ENG: variants seen among roughly 807,000 people sequenced by gnomAD.
ENG encodes CD105 antigen.
ENG carries 17 observed loss-of-function variants against 71.0 expected under a neutral mutation model. The observed-to-expected ratio is 0.24, with a 90% CI of 0.16 to 0.36. The LOEUF (loss-of-function observed/expected upper bound fraction) is 0.36. Among genes scored for constraint, ENG ranks in the 10% least tolerant of loss-of-function variants. The pLI is 1.00. For synonymous variants in ENG, 360 were observed against 366.9 expected, an observed-to-expected ratio of 0.98 and a Z score of 0.21; for missense variants, 749 against 868.3, an observed-to-expected ratio of 0.86 and a Z score of 1.73.
chr9:127,817,082 C>T, intron 13 of ENG, 67 bp downstream of exon 13: 1 of 1,585,160 alleles, frequency 6.3e-7, no homozygotes, highest in South Asian at 1.1e-5. Flanking sequence ...TTTCTCAGGG[C>T]TGCCCGCTGT....
intron 12 of ENG, 114 bp downstream of exon 12, chr9:127,818,006 G>C (rs1830371057): frequency 1.3e-6 from 2 of 1,556,950 alleles, no homozygotes; most frequent in East Asian, 4.5e-5. Flanking sequence ...CCTGATTAAG[G>C]CTCCGCCCCT....
rs1222524943 is a variant in ENG at position 127,825,246 on chromosome 9, G to A, written c.801C>T (p.His267=). The change falls in exon 6 of 15, where the codon CAC becomes CAT. Residue 267 remains histidine, a synonymous_variant. Transcript: ENST00000373203. ...CACAACTCACCCAGATCTGCATGTTGTGGTTGGCGTCGATGAGCCAGGACA... is the reference window on the plus strand; with the variant it reads ...CACAACTCACCCAGATCTGCATGTTATGGTTGGCGTCGATGAGCCAGGACA... ...PYVSWLIDAN[H]NMQIWTTGEY... is the part of the protein sequence containing the mutation. 1.2e-6 allele frequency: 2 copies of A among 1,613,008 alleles called. No individual in the cohort carries two copies. Among genetic ancestry groups the A allele is most frequent in the Non-Finnish European group, 1.7e-6 (2 of 1,179,826 alleles).
intron 2 of ENG, 69 bp from the exon 3 acceptor site, chr9:127,829,896 C>T (rs1830722355): frequency 5.6e-6 from 9 of 1,605,806 alleles, no homozygotes; most frequent in Non-Finnish European, 7.6e-6. Flanking sequence ...CCCAGACAGG[C>T]AGTGATGATT....
intron 2 of ENG, among the ~76,000 whole-genome samples, chr9:127,832,356 T>C (rs1023921626): frequency 1.3e-5 from 2 of 152,166 alleles, no homozygotes; most frequent in African/African-American, 4.8e-5. Flanking sequence ...ATTACAGGCA[T>C]GAGCCACTGC....
chr9:127,831,149 C>T (rs1012117562), intron 2 of ENG, among the ~76,000 whole-genome samples: 8 of 150,606 alleles, frequency 5.3e-5, no homozygotes, highest in African/African-American at 7.4e-5. Context: ...AACCTTAAGA[C>T]GTAAATACCA....
chr9:127,850,180 A>G (rs41421145), intron 1 of ENG, among the ~76,000 whole-genome samples: 6,422 of 152,278 alleles, frequency 0.042, 233 homozygotes, highest in African/African-American at 0.097. Flanking sequence ...TCAGGTCACA[A>G]AAGTTGTGGG....
chr9:127,819,582 C>A, intron 10 of ENG, 40 bp downstream of exon 10: 1 of 1,611,982 alleles, frequency 6.2e-7, no homozygotes, highest in Non-Finnish European at 8.5e-7. Flanking sequence ...CAGCAGCAGC[C>A]CCTGGGCCAG....
rs1280679232 is a variant in ENG at position 127,818,309 on chromosome 9, A to G, written c.1497T>C (p.Pro499=). ...GGATGAGTTCCACGGTGCCTCCCTCAGGCCCCAAGTCCAGGTGGCAGCTGT... is the reference window on the plus strand; with the variant it reads ...GGATGAGTTCCACGGTGCCTCCCTCGGGCCCCAAGTCCAGGTGGCAGCTGT... ...QLDSCHLDLG[P]EGGTVELIQG... is the part of the protein sequence containing the mutation. The change falls in exon 12 of 15, where the codon CCT becomes CCC. Residue 499 remains proline, a synonymous_variant. Transcript: ENST00000373203. The G allele has an allele frequency of 1.2e-6, 2 of 1,614,052 alleles. No individual in the cohort carries two copies. Among genetic ancestry groups the G allele is most frequent in the Non-Finnish European group, 1.7e-6 (2 of 1,180,000 alleles).
chr9:127,822,663 C>T (rs1207274328), intron 8 of ENG: 1 of 152,094 alleles, frequency 6.6e-6, no homozygotes, highest in African/African-American at 2.4e-5. Flanking sequence ...TGTCAAAGCT[C>T]TAAAAATACA....
At chr9:127,831,785 G>A (rs142511536) in intron 2 of ENG, among the ~76,000 whole-genome samples, 4,218 of 146,588 alleles carry the variant, frequency 0.029, 78 homozygotes, top group Middle Eastern at 0.092. Context: ...TCTGCCTCCT[G>A]GGTTCAAGCA....
intron 2 of ENG, among the ~76,000 whole-genome samples, chr9:127,834,566 G>A (rs926971240): frequency 1.3e-5 from 2 of 152,022 alleles, no homozygotes; most frequent in African/African-American, 4.8e-5. Context: ...CACTGCGCCT[G>A]GCTAGTTTTT....
At chr9:127,849,257 C>G (rs576677286) in intron 1 of ENG, among the ~76,000 whole-genome samples, 2 of 152,364 alleles carry the variant, frequency 1.3e-5, no homozygotes, top group East Asian at 3.9e-4. Flanking sequence ...CTTCCCCTCC[C>G]TTGTTCAGAT....
chr9:127,829,938 T>A, intron 2 of ENG, 111 bp from the exon 3 acceptor site: 1 of 1,479,286 alleles, frequency 6.8e-7, no homozygotes, highest in Non-Finnish European at 9.3e-7. Context: ...CCCTGCCTGC[T>A]CTGTCCACCC....
intron 5 of ENG, 87 bp downstream of exon 5, chr9:127,825,608 A>G (rs1378671285): frequency 2.7e-6 from 3 of 1,129,074 alleles, no homozygotes; most frequent in African/African-American, 4.7e-5. Flanking sequence ...GTGGGGCTTT[A>G]TAAGGGACCG....
Position 127,824,426 on chromosome 9 carries a change from G to A in ENG, c.1012C>T (p.Pro338Ser). ...GGAGGAGTGGTCTGGATCGGTGCGG[G>A]TGAGGTCTGCAGCCTACCACCTGTG... ...SSCGGRLQTS[P>S]APIQTTPPKD... is the part of the protein sequence containing the mutation. Residue 338 changes from proline to serine, a missense_variant, in exon 8 of 15, where the codon CCC becomes TCC. Coordinates refer to ENST00000373203, the MANE Select transcript of ENG (RefSeq NM_001114753.3). The A allele has an allele frequency of 6.2e-7, 1 of 1,614,036 alleles. No homozygotes were observed.
At chr9:127,821,724 A>AAT (rs397793854) in intron 8 of ENG, among the ~76,000 whole-genome samples, 3 of 151,410 alleles carry the variant, frequency 2.0e-5, no homozygotes, top group Non-Finnish European at 4.4e-5. Flanking sequence ...AAAAAAAAAA[A>AAT]TACAAAAAAT....
At position 127,815,950 on chromosome 9, in the gene ENG, C is replaced by T. The variant is rs759950184; in HGVS notation, c.1845G>A (p.Ser615=). The change falls in exon 14 of 15, where the codon TCG becomes TCA. Residue 615 remains serine, a synonymous_variant. Coordinates refer to ENST00000373203, the MANE Select transcript of ENG (RefSeq NM_001114753.3). ...GGGGCCTGGGGTACTCACGCGTGTG[C>T]GAGTAGATGTACCAGAGTGCAGCAG... ...LLTAALWYIY[S]HTRSPSKREP... 1.9e-6 allele frequency: 3 copies of T among 1,598,474 alleles called. No individual in the cohort carries two copies. The highest frequency in any genetic ancestry group is 2.6e-6 in the Non-Finnish European group (3 of 1,173,328).
intron 3 of ENG, among the ~76,000 whole-genome samples, chr9:127,829,019 A>G (rs1830696246): frequency 1.3e-5 from 2 of 152,148 alleles, no homozygotes; most frequent in South Asian, 4.1e-4. Flanking sequence ...GACCTCTGGC[A>G]GTGGGTCCCA....
Position 127,829,675 on chromosome 9 carries a change from G to A in ENG, c.360+12C>T. 1.2e-6 allele frequency: 2 copies of A among 1,613,892 alleles called. No homozygotes were observed. The highest frequency in any genetic ancestry group is 1.3e-5 in the African/African-American group (1 of 75,042). On this transcript the variant is annotated intron_variant, in intron 3 of 14. Transcript: ENST00000373203. The stretch of plus-strand genomic sequence containing the variant: ...CAGAGCCTCAGCCTGGGGTTGGAGG[G>A]AACACACTCACGTAGGCCAAGTGCA...
Sources: allele counts gnomAD v4.1 joint callset (sites outside exome capture counted in the v4.1 genomes callset), GRCh38; gene constraint gnomAD v4.1.1; transcripts MANE v1.5; gene names NCBI Gene and HGNC (gene_info 2026-07-23, HGNC 2026-07-21).